Variants in AMOT observed in about 807,000 individuals in gnomAD.
The protein encoded by AMOT is angiomotin.
Under a neutral mutation model 67.0 loss-of-function variants are expected in AMOT, and 11 were observed. The observed-to-expected ratio is 0.16, with a 90% CI of 0.10 to 0.27. The LOEUF is 0.27. Among genes scored for constraint, AMOT ranks in the 10% least tolerant of loss-of-function variants. The pLI, the probability that AMOT is intolerant of heterozygous loss-of-function variation, is 1.00. For missense variants in AMOT, 753 were observed against 852.0 expected, an observed-to-expected ratio of 0.88 and a Z score of 1.45; for synonymous variants, 326 against 321.4, an observed-to-expected ratio of 1.01 and a Z score of -0.15.
In AMOT at chrX:112,823,077, C is replaced by T. The variant is rs993046441; in HGVS notation, c.50G>A (p.Arg17His). 8.6e-6 allele frequency: 10 copies of T among 1,166,746 alleles called. No homozygotes were observed. The highest frequency in any genetic ancestry group is 1.0e-5 in the Non-Finnish European group (9 of 872,524). The change falls in exon 4 of 14, where the codon CGT becomes CAT. Residue 17 changes from arginine to histidine, a missense_variant. Physicochemically the swap from Arg to His is conservative, Grantham distance 29. Transcript: ENST00000371959. ...ATAGCGAAGCTGCTCTTGTAGCAAA[C>T]GCTGCAATACCGTGGTCCCTCCACT... The part of the protein sequence containing the change: ...QPSGGTTVLQ[R>H]LLQEQLRYGN...
chrX:112,788,299 A>G lies in AMOT; in HGVS notation c.2117+2293T>C, dbSNP rs769343763. Among the ~76,000 whole-genome samples, 634 of 110,741 alleles carry G rather than the reference A, an allele frequency of 5.7e-3. 8 individuals carry two copies. Among genetic ancestry groups the G allele is most frequent in the African/African-American group, 0.02 (597 of 30,451 alleles). Reference sequence around the variant, plus strand: ...GCGAGACTCCTTCTCAAAAAAAAAAAAAAATTATTTTGAAAGAAAAGAAAA... The same window carrying G: ...GCGAGACTCCTTCTCAAAAAAAAAAGAAAATTATTTTGAAAGAAAAGAAAA... On this transcript the variant is annotated intron_variant, in intron 10 of 13. Coordinates refer to ENST00000371959, the MANE Select transcript of AMOT (RefSeq NM_001113490.2).
At chrX:112,778,961 C>T (rs761563277) in intron 13 of AMOT, 36 bp downstream of exon 13, 1 of 1,175,591 alleles carries the variant, frequency 8.5e-7, no homozygotes, top group East Asian at 3.0e-5. Flanking sequence ...GAGAGCAGAA[C>T]TAAACCAAAA....
rs1933617887 is a variant in AMOT, at chrX:112,791,942, T to C, written c.1816A>G (p.Met606Val). The C allele has an allele frequency of 8.3e-7, 1 of 1,210,219 alleles. No individual in the cohort carries two copies. Among genetic ancestry groups the C allele is most frequent in the Admixed American group, 2.2e-5 (1 of 45,753 alleles). Residue 606 changes from methionine to valine, a missense_variant, in exon 9 of 14, where the codon ATG becomes GTG. Transcript: ENST00000371959. ...KQVYVDKVEK[M>V]QQALVQLQAA... ...TGGAGCTGTACAAGGGCCTGCTGCA[T>C]CTTCTCCACCTTGTCAACGTACACT... is the stretch of plus-strand genomic sequence containing the variant.
intron 8 of AMOT, among the ~76,000 whole-genome samples, chrX:112,795,259 T>C (rs771736671): frequency 1.8e-5 from 2 of 110,441 alleles, no homozygotes; most frequent in East Asian, 5.7e-4. Flanking sequence ...TGTGTGTGTG[T>C]GTGTGTGTGT....
chrX:112,791,366 GA>G (rs3214224), intron 9 of AMOT, among the ~76,000 whole-genome samples: 2 of 108,322 alleles, frequency 1.8e-5, no homozygotes, highest in Non-Finnish European at 3.8e-5. Context: ...TCAGTCTCAA[GA>G]AAAAAAAAAT....
intron 7 of AMOT, 111 bp downstream of exon 7, chrX:112,809,783 T>C: frequency 1.7e-6 from 1 of 600,252 alleles, no homozygotes; most frequent in Non-Finnish European, 2.7e-6. Flanking sequence ...CCTTAGGTGA[T>C]ATTGACTCTG....
intron 5 of AMOT, among the ~76,000 whole-genome samples, chrX:112,812,597 C>T (rs910911589): frequency 2.7e-5 from 3 of 111,986 alleles, no homozygotes; most frequent in African/African-American, 9.7e-5. Flanking sequence ...AGCTCCATTG[C>T]ACATATAATA....
intron 7 of AMOT, among the ~76,000 whole-genome samples, chrX:112,809,013 T>C (rs1430494149): frequency 9.0e-6 from 1 of 111,665 alleles, no homozygotes; most frequent in African/African-American, 3.3e-5. Flanking sequence ...AGAAGCTGCA[T>C]GGAATGAGCT....
Position 112,822,821 on chromosome X carries a change from A to G in AMOT, c.306T>C (p.Asn102=). 8.6e-7 allele frequency: 1 copy of G among 1,166,983 alleles called. No individual in the cohort carries two copies. The highest frequency in any genetic ancestry group is 1.1e-6 in the Non-Finnish European group (1 of 872,914). The change falls in exon 4 of 14, where the codon AAT becomes AAC. Residue 102 remains asparagine, a synonymous_variant. Coordinates refer to ENST00000371959, the MANE Select transcript of AMOT (RefSeq NM_001113490.2). The part of the protein sequence containing the change: ...MEKQLSPRMQ[N]NEELPTYEEA... ...CTTCATAGGTCGGGAGTTCTTCATT[A>G]TTTTGCATTCGAGGAGACAGCTGCT... is the stretch of plus-strand genomic sequence containing the variant.
At chrX:112,816,289 C>T (rs369273554) in intron 4 of AMOT, among the ~76,000 whole-genome samples, 43 of 111,427 alleles carry the variant, frequency 3.9e-4, no homozygotes, top group African/African-American at 1.3e-3. Context: ...GTCCAGCACA[C>T]ATAAAGATCC....
In AMOT at chrX:112,781,170, G is replaced by T. The variant is rs185711243; in HGVS notation, c.2241-52C>A. The T allele has an allele frequency of 7.9e-4, 876 of 1,107,056 alleles. 5 individuals carry two copies. In the African/African-American group the frequency reaches 0.014, roughly 18 times the overall value. The allele number at this position is 1,107,056 out of a possible 1,213,427, so 91.2% of individuals were successfully genotyped here. On this transcript the variant is annotated intron_variant, in intron 11 of 13. Transcript: ENST00000371959. Reference sequence around the variant, plus strand: ...AAAGACCTTGTTGTGGGCTGGGCGCGGTGGCTTACGCCTGTAATCCCAGCA... The same window carrying T: ...AAAGACCTTGTTGTGGGCTGGGCGCTGTGGCTTACGCCTGTAATCCCAGCA...
intron 10 of AMOT, among the ~76,000 whole-genome samples, chrX:112,788,949 A>G (rs1933475506): frequency 8.9e-6 from 1 of 112,338 alleles, no homozygotes; most frequent in African/African-American, 3.2e-5. Context: ...CCGAATACAC[A>G]AAGCTTTCAA....
At position 112,776,987 on chromosome X, in the gene AMOT, C is replaced by G. The variant is rs1932956878; in HGVS notation, c.*1580G>C. 1 of 111,627 alleles carries G rather than the reference C, an allele frequency of 9.0e-6. No individual in the cohort carries two copies. The highest frequency in any genetic ancestry group is 3.3e-5 in the African/African-American group (1 of 30,668). The allele number at this position is 111,627 out of a possible 1,213,427, so 9.2% of individuals were successfully genotyped here. A position where few individuals can be genotyped will look rare whatever the true frequency, so the allele number is the denominator to read the frequency against. On this transcript the variant is annotated 3_prime_UTR_variant, in exon 14 of 14. Coordinates refer to ENST00000371959, the MANE Select transcript of AMOT (RefSeq NM_001113490.2). ...AAAGTCACTGAACCTCTCCAGTTCTCAGATTCCTCATCACTAAAATGAGGA... is the reference window on the plus strand; with the variant it reads ...AAAGTCACTGAACCTCTCCAGTTCTGAGATTCCTCATCACTAAAATGAGGA...
chrX:112,840,306 T>G (rs895807247), intron 1 of AMOT, 146 bp downstream of exon 1: 4 of 111,693 alleles, frequency 3.6e-5, no homozygotes, highest in African/African-American at 1.3e-4. Flanking sequence ...CCAAAAAAAC[T>G]CATGGCGAGC....
At chrX:112,803,695 T>C (rs1395977499) in intron 8 of AMOT, among the ~76,000 whole-genome samples, 1 of 111,990 alleles carries the variant, frequency 8.9e-6, no homozygotes, top group African/African-American at 3.2e-5. Context: ...GCAGAGGAAA[T>C]TGATAAGTTG....
Position 112,815,492 on chromosome X carries a change from A to G in AMOT, c.1258T>C (p.Tyr420His). ...MPRAQPSSASYQPVPADPFAI... is the reference protein window; with the variant it reads ...MPRAQPSSASHQPVPADPFAI... ...AAAGGGTCTGCTGGCACTGGCTGAT[A>G]AGAAGCAGAGGATGGCTGAGCCCGA... The change falls in exon 5 of 14, where the codon TAT becomes CAT. Residue 420 changes from tyrosine (Y) to histidine (H), a missense_variant. Physicochemically the swap from Tyr to His is moderately conservative, Grantham distance 83. Around this residue, in one of 5 missense-constraint regions of AMOT, gnomAD observed 297 missense variants for 284.3 expected, o/e 1.04. Transcript: ENST00000371959. 1 of 1,211,528 alleles carries G rather than the reference A, an allele frequency of 8.3e-7. No homozygotes were observed. Among genetic ancestry groups the G allele is most frequent in the African/African-American group, 1.7e-5 (1 of 57,694 alleles).
At chrX:112,834,734 T>G (rs1206265063) in intron 1 of AMOT, among the ~76,000 whole-genome samples, 2 of 113,041 alleles carry the variant, frequency 1.8e-5, no homozygotes, top group East Asian at 5.5e-4. Flanking sequence ...CTTTCTCCCT[T>G]AAAACGTGCA....
At position 112,821,428 on chromosome X, in the gene AMOT, A is replaced by T. The variant is rs181347290; in HGVS notation, c.872+827T>A. The stretch of plus-strand genomic sequence containing the variant: ...CCAAATACTAACAACAGGAACAATG[A>T]ACAGAATCATAGAATCATAAGGTCT... On this transcript the variant is annotated intron_variant, in intron 4 of 13. Coordinates refer to ENST00000371959, the MANE Select transcript of AMOT (RefSeq NM_001113490.2). 1.2e-4 allele frequency among the ~76,000 whole-genome samples: 14 copies of T among 112,041 alleles called. No homozygotes were observed. The East Asian group carries it at 3.6e-3, about 29-fold the overall frequency.
chrX:112,793,262 A>G (rs1933679352), intron 8 of AMOT, among the ~76,000 whole-genome samples: 1 of 111,435 alleles, frequency 9.0e-6, no homozygotes, highest in African/African-American at 3.3e-5. Flanking sequence ...AATATTCTTG[A>G]TAATCTAGTC....
Sources: allele counts gnomAD v4.1 joint callset (sites outside exome capture counted in the v4.1 genomes callset), GRCh38; gene constraint gnomAD v4.1.1; regional missense constraint gnomAD v4.1.1; transcripts MANE v1.5; gene names NCBI Gene and HGNC (gene_info 2026-07-23, HGNC 2026-07-21).